Variants in ZNHIT6 observed in about 807,000 individuals in gnomAD.
ZNHIT6 encodes box C/D snoRNA protein 1.
In ZNHIT6, 45 loss-of-function variants were observed where a neutral mutation model predicts 57.2. The ratio of observed to expected loss-of-function variants is 0.79; its 90% confidence interval spans 0.62 to 1.01. The LOEUF (loss-of-function observed/expected upper bound fraction) is 1.01. Ranked by LOEUF, ZNHIT6 falls within the 50% of genes least tolerant of loss-of-function variation. The pLI, the probability that ZNHIT6 is intolerant of heterozygous loss-of-function variation, is 0.00. For synonymous variants in ZNHIT6, 188 were observed against 190.0 expected (o/e 0.99, Z 0.09); for missense variants, 528 against 567.3 (o/e 0.93, Z 0.70).
intron 5 of ZNHIT6, among the ~76,000 whole-genome samples, chr1:85,692,565 A>G (rs779445014): frequency 6.6e-6 from 1 of 152,194 alleles, no homozygotes; most frequent in Non-Finnish European, 1.5e-5. Context: ...CTGGGCACCT[A>G]TTATATAATC....
rs1444105817 is a variant in ZNHIT6 at position 85,652,622 on chromosome 1, C to T, written c.*1436G>A. 2 of 152,138 alleles carry T rather than the reference C, an allele frequency of 1.3e-5. No homozygotes were observed. The highest frequency in any genetic ancestry group is 2.9e-5 in the Non-Finnish European group (2 of 68,010). 9.4% of individuals were successfully genotyped at this position (152,138 alleles called of 1,614,324 possible). A position where few individuals can be genotyped will look rare whatever the true frequency, so the allele number is the denominator to read the frequency against. On this transcript the variant is annotated 3_prime_UTR_variant, in exon 10 of 10. Transcript: ENST00000370574. ...TTTCTACCCCAAGTTATACTTGTGT[C>T]CCACAAATTTATCTTCTGCTCATCT...
chr1:85,703,500 C>T (rs1363524875), intron 4 of ZNHIT6, among the ~76,000 whole-genome samples: 2 of 152,104 alleles, frequency 1.3e-5, no homozygotes, highest in East Asian at 3.9e-4. Flanking sequence ...TATAGGGATG[C>T]TGATATATGA....
chr1:85,688,103 A>T (rs1225087849), intron 5 of ZNHIT6, among the ~76,000 whole-genome samples: 1 of 152,216 alleles, frequency 6.6e-6, no homozygotes. Context: ...CTGTTTTACC[A>T]GAGAGCACAG....
At chr1:85,665,534 A>G (rs533123025) in intron 8 of ZNHIT6, among the ~76,000 whole-genome samples, 22 of 152,298 alleles carry the variant, frequency 1.4e-4, no homozygotes, top group African/African-American at 5.3e-4. Flanking sequence ...TCTTGTGATA[A>G]GAACACTTAA....
At chr1:85,694,831 G>A (rs1012846502) in intron 5 of ZNHIT6, among the ~76,000 whole-genome samples, 3 of 152,148 alleles carry the variant, frequency 2.0e-5, no homozygotes, top group African/African-American at 7.2e-5. Flanking sequence ...TTCAAAGTTA[G>A]GGGAAATAGG....
At chr1:85,678,564 A>G in intron 7 of ZNHIT6, 137 bp downstream of exon 7, 1 of 596,536 alleles carries the variant, frequency 1.7e-6, no homozygotes, top group Non-Finnish European at 2.9e-6. Flanking sequence ...CTACAGACAG[A>G]CCTTCAGTAA....
rs566428394 is a variant in ZNHIT6 at position 85,690,980 on chromosome 1, C to A, written c.1020-10076G>T. Among the ~76,000 whole-genome samples the A allele has an allele frequency of 3.3e-4, 50 of 152,192 alleles. 1 individual carries two copies. In the East Asian group the frequency reaches 9.5e-3, roughly 29 times the overall value. ...GGTGGAGGGTGCAGTGAGCCGAGAT[C>A]GTGCCACTGCACTCCAGCCTGGGTG... On this transcript the variant is annotated intron_variant, in intron 5 of 9. Transcript: ENST00000370574.
chr1:85,652,899 A>G lies in ZNHIT6; in HGVS notation c.*1159T>C, dbSNP rs1380222201. ...AAAATTAAGAATTTTTTTTCAGTAC[A>G]TGAGATCAAACTGTATACAGAGCTG... On this transcript the variant is annotated 3_prime_UTR_variant, in exon 10 of 10. Coordinates refer to ENST00000370574, the MANE Select transcript of ZNHIT6 (RefSeq NM_017953.4). 6.6e-6 allele frequency: 1 copy of G among 151,870 alleles called. No homozygotes were observed. The highest frequency in any genetic ancestry group is 1.5e-5 in the Non-Finnish European group (1 of 67,920). 9.4% of individuals were successfully genotyped at this position (151,870 alleles called of 1,614,324 possible).
intron 5 of ZNHIT6, among the ~76,000 whole-genome samples, chr1:85,682,189 T>C (rs1006296141): frequency 6.6e-6 from 1 of 150,548 alleles, no homozygotes; most frequent in Non-Finnish European, 1.5e-5. Context: ...TTTTTTTTTT[T>C]TTTTTTTGGT....
rs757831499 is a variant in ZNHIT6, at chr1:85,702,215, T to G, written c.961A>C (p.Lys321Gln). Residue 321 changes from lysine to glutamine, a missense_variant, in exon 5 of 10, where the codon AAA (lysine) becomes CAA (glutamine). Transcript: ENST00000370574. ...NRARRQGINL[K>Q]LLPNGFTKRK... ...TTGGTGAATCCATTGGGTAGAAGTT[T>G]TAAGTTAATACCTTGCCTCCGGGCA... 1 of 1,611,302 alleles carries G rather than the reference T, an allele frequency of 6.2e-7. No homozygotes were observed. Among genetic ancestry groups the G allele is most frequent in the East Asian group, 2.2e-5 (1 of 44,784 alleles).
chr1:85,705,956 A>C (rs1662672326), intron 4 of ZNHIT6, 122 bp downstream of exon 4: 1 of 804,680 alleles, frequency 1.2e-6, no homozygotes, highest in Middle Eastern at 3.7e-4. Flanking sequence ...CCATATCCTT[A>C]AGTAATCAGA....
At chr1:85,703,006 T>A (rs1662580143) in intron 4 of ZNHIT6, among the ~76,000 whole-genome samples, 2 of 152,188 alleles carry the variant, frequency 1.3e-5, no homozygotes, top group Non-Finnish European at 2.9e-5. Context: ...ACAGTCAGAA[T>A]CAAGTCCATA....
At chr1:85,655,208 G>A (rs888414431) in intron 9 of ZNHIT6, among the ~76,000 whole-genome samples, 3 of 152,076 alleles carry the variant, frequency 2.0e-5, no homozygotes, top group Admixed American at 6.6e-5. Context: ...CTGTACTTCA[G>A]GTAAACTCTA....
intron 8 of ZNHIT6, among the ~76,000 whole-genome samples, chr1:85,673,392 A>G (rs888952231): frequency 6.6e-6 from 1 of 152,226 alleles, no homozygotes; most frequent in African/African-American, 2.4e-5. Flanking sequence ...TAGGATCGCA[A>G]TTTAAAAAAT....
chr1:85,695,227 C>G (rs1215714712), intron 5 of ZNHIT6, among the ~76,000 whole-genome samples: 1 of 151,868 alleles, frequency 6.6e-6, no homozygotes, highest in African/African-American at 2.4e-5. Flanking sequence ...GAGATTGCAC[C>G]ACTGCACTCC....
Position 85,707,835 on chromosome 1 carries a change from T to C in ZNHIT6, c.450A>G (p.Ser150=). ...AGTTATCCTTCTCTTCCTTCACTTC[T>C]GACCAGTCCATTACCTCTTCCTTTA... is the stretch of plus-strand genomic sequence containing the variant. ...EKVKEEVMDW[S]EVKEEKDNLE... Residue 150 remains serine, a synonymous_variant, in exon 1 of 10, where the codon TCA becomes TCG. Coordinates refer to ENST00000370574, the MANE Select transcript of ZNHIT6 (RefSeq NM_017953.4). The C allele has an allele frequency of 6.2e-7, 1 of 1,614,190 alleles. No homozygotes were observed. Among genetic ancestry groups the C allele is most frequent in the Non-Finnish European group, 8.5e-7 (1 of 1,180,030 alleles).
intron 8 of ZNHIT6, among the ~76,000 whole-genome samples, chr1:85,672,281 T>G (rs575932694): frequency 6.6e-6 from 1 of 152,254 alleles, no homozygotes; most frequent in East Asian, 1.9e-4. Context: ...CACCAAGTCT[T>G]ACTGCTTTTT....
chr1:85,665,785 T>C (rs1051852732), intron 8 of ZNHIT6, among the ~76,000 whole-genome samples: 1 of 152,216 alleles, frequency 6.6e-6, no homozygotes, highest in Non-Finnish European at 1.5e-5. Flanking sequence ...GTATATTACC[T>C]TGCAAAATAT....
At chr1:85,694,479 T>TA (rs398102982) in intron 5 of ZNHIT6, among the ~76,000 whole-genome samples, 1 of 151,988 alleles carries the variant, frequency 6.6e-6, no homozygotes, top group South Asian at 2.1e-4. Context: ...TTTTTTTTTT[T>TA]GAGACGGAGT....
Sources: gnomAD v4.1 joint callset for allele counts (sites outside exome capture counted in the v4.1 genomes callset) on GRCh38, gnomAD v4.1.1 for gene constraint, MANE v1.5 for transcripts, NCBI Gene and HGNC (gene_info 2026-07-23, HGNC 2026-07-21) for gene names.